Variants in AQP8 observed in about 807,000 individuals in gnomAD.
The protein encoded by AQP8 is aquaporin-8.
In AQP8, 14 loss-of-function variants were observed where a neutral mutation model predicts 26.1. The observed-to-expected ratio is 0.54, with a 90% CI of 0.35 to 0.84. AQP8 has a LOEUF of 0.84. Ranked by LOEUF, AQP8 falls within the 40% of genes least tolerant of loss-of-function variation. The probability of loss-of-function intolerance (pLI) is 0.01; values close to 1 mark genes in which losing one functional copy is unlikely to be tolerated. For synonymous variants in AQP8, 131 were observed against 150.7 expected, an observed-to-expected ratio of 0.87 and a Z score of 0.96; for missense variants, 301 against 340.5, an observed-to-expected ratio of 0.88 and a Z score of 0.91.
chr16:25,225,980 G>A (rs1206888982), intron 4 of AQP8, among the ~76,000 whole-genome samples: 1 of 152,160 alleles, frequency 6.6e-6, no homozygotes, highest in Non-Finnish European at 1.5e-5. Context: ...GACAACCTAT[G>A]GGATAGTCAC....
intron 2 of AQP8, among the ~76,000 whole-genome samples, chr16:25,220,054 A>C (rs1400881111): frequency 6.6e-6 from 1 of 151,362 alleles, no homozygotes; most frequent in African/African-American, 2.4e-5. Flanking sequence ...AACAAAAAAC[A>C]AAAAACAAAT....
chr16:25,218,932 C>T (rs763878075), intron 2 of AQP8, among the ~76,000 whole-genome samples: 1 of 151,356 alleles, frequency 6.6e-6, no homozygotes, highest in Non-Finnish European at 1.5e-5. Flanking sequence ...TCTCTTTAGA[C>T]GTCCAAGGGA....
rs1962609257 is a variant in AQP8, at chr16:25,224,696, T to C, written c.602+120T>C. On this transcript the variant is annotated intron_variant, in intron 4 of 5. Transcript: ENST00000219660. ...TTAGGGGCCAGGAAGGTGCTGCAAA[T>C]GGGGAGGGGGGCTGGCATCAGGCAG... 10 of 1,035,638 alleles carry C rather than the reference T, an allele frequency of 9.7e-6. No homozygotes were observed. The South Asian group carries it at 1.5e-4, about 16-fold the overall frequency. The allele number at this position is 1,035,638 out of a possible 1,614,324, so 64.2% of individuals were successfully genotyped here.
In AQP8 at chr16:25,217,264, C is replaced by T. The variant is rs748487930; in HGVS notation, c.79C>T (p.Arg27Ter). 7.4e-6 allele frequency: 12 copies of T among 1,614,066 alleles called. No homozygotes were observed. The highest frequency in any genetic ancestry group is 5.0e-5 in the Admixed American group (3 of 59,990). The part of the protein sequence containing the change: ...AREPSVGGRW[R>*]VSWYERFVQP... ...GGAGCCGAGCGTGGGTGGCAGGTGG[C>T]GAGTGTCCTGGTACGAACGGTTTGT... is the stretch of plus-strand genomic sequence containing the variant. Residue 27 changes from arginine to a stop codon, truncating the protein, a stop_gained, in exon 2 of 6, where the codon CGA (arginine) becomes TGA (stop). Transcript: ENST00000219660. LOFTEE classifies it high-confidence loss of function.
At position 25,217,230 on chromosome 16, in the gene AQP8, C is replaced by T. The variant is rs149183320; in HGVS notation, c.45C>T (p.Asp15=). The stretch of plus-strand genomic sequence containing the variant: ...TGTGTGAGCCTGAATTTGGCAATGA[C>T]AAGGCCAGGGAGCCGAGCGTGGGTG... The part of the protein sequence containing the change: ...IAMCEPEFGN[D]KAREPSVGGR... The change falls in exon 2 of 6, where the codon GAC becomes GAT. Residue 15 remains aspartate, a synonymous_variant. Coordinates refer to ENST00000219660, the MANE Select transcript of AQP8 (RefSeq NM_001169.3). 5.6e-6 allele frequency: 9 copies of T among 1,614,104 alleles called. No individual in the cohort carries two copies. In the African/African-American group the frequency reaches 1.1e-4, roughly 19 times the overall value.
intron 4 of AQP8, among the ~76,000 whole-genome samples, chr16:25,225,210 C>T (rs1393554762): frequency 6.6e-6 from 1 of 152,198 alleles, no homozygotes; most frequent in East Asian, 1.9e-4. Context: ...TCTTGAACTC[C>T]TGGCTTCAAG....
At chr16:25,228,367 T>C in intron 5 of AQP8, 77 bp from the exon 6 acceptor site, 1 of 1,437,446 alleles carries the variant, frequency 7.0e-7, no homozygotes, top group South Asian at 1.2e-5. Context: ...TTCTGGAGAC[T>C]TCTGAGCCTG....
chr16:25,217,894 T>G (rs1322540711), intron 2 of AQP8, among the ~76,000 whole-genome samples: 1 of 152,192 alleles, frequency 6.6e-6, no homozygotes, highest in East Asian at 1.9e-4. Flanking sequence ...TTAAATGTTT[T>G]TTTTTTCAAG....
intron 5 of AQP8, among the ~76,000 whole-genome samples, chr16:25,227,707 C>T (rs751571779): frequency 6.6e-6 from 1 of 151,940 alleles, no homozygotes; most frequent in Non-Finnish European, 1.5e-5. Context: ...AGGCTGGTCT[C>T]GAACTCCTGA....
chr16:25,217,427 C>T lies in AQP8; in HGVS notation c.242C>T (p.Ala81Val). Residue 81 changes from alanine to valine, a missense_variant, in exon 2 of 6, where the codon GCC becomes GTC. Coordinates refer to ENST00000219660, the MANE Select transcript of AQP8 (RefSeq NM_001169.3). ...GGGCTGGCTTTGGGGCTCGTGATTG[C>T]CACGCTGGGGAATATCAGGTGAGAC... ...AHGLALGLVI[A>V]TLGNISGGHF... 6.2e-7 allele frequency: 1 copy of T among 1,614,088 alleles called. No homozygotes were observed.
At chr16:25,226,159 C>T (rs557967029) in intron 4 of AQP8, among the ~76,000 whole-genome samples, 4 of 152,280 alleles carry the variant, frequency 2.6e-5, no homozygotes, top group Middle Eastern at 3.4e-3. Context: ...GCATGCAATG[C>T]ATAATTATCA....
chr16:25,220,458 A>T (rs1266638715), intron 2 of AQP8, among the ~76,000 whole-genome samples: 1 of 152,156 alleles, frequency 6.6e-6, no homozygotes, highest in Non-Finnish European at 1.5e-5. Flanking sequence ...CTGGTTGAAC[A>T]TCTTGGTGAA....
chr16:25,220,130 G>A (rs1249012165), intron 2 of AQP8, among the ~76,000 whole-genome samples: 3 of 152,132 alleles, frequency 2.0e-5, no homozygotes, highest in African/African-American at 7.2e-5. Flanking sequence ...ACAAGTTGGG[G>A]TAGCTGGTCT....
chr16:25,228,650 G>C lies in AQP8; in HGVS notation c.*158G>C, dbSNP rs1212221046. 1 of 676,858 alleles carries C rather than the reference G, an allele frequency of 1.5e-6. No homozygotes were observed. The highest frequency in any genetic ancestry group is 2.6e-5 in the Admixed American group (1 of 38,202). The allele number at this position is 676,858 out of a possible 1,614,324, so 41.9% of individuals were successfully genotyped here. A position where few individuals can be genotyped will look rare whatever the true frequency, so the allele number is the denominator to read the frequency against. On this transcript the variant is annotated 3_prime_UTR_variant, in exon 6 of 6. Transcript: ENST00000219660. The stretch of plus-strand genomic sequence containing the variant: ...GCCTGCTTTCTCAGATAGACTGACT[G>C]CTGAGGAGGCTCTAGGTTCTTGGAA...
intron 4 of AQP8, among the ~76,000 whole-genome samples, chr16:25,225,300 T>C (rs376459368): frequency 6.7e-6 from 1 of 149,904 alleles, no homozygotes; most frequent in African/African-American, 2.5e-5. Flanking sequence ...AGCCCCTCCC[T>C]AATGTCTGAC....
intron 2 of AQP8, among the ~76,000 whole-genome samples, chr16:25,219,108 A>C (rs929851423): frequency 6.6e-6 from 1 of 151,352 alleles, no homozygotes; most frequent in Non-Finnish European, 1.5e-5. Flanking sequence ...TTTGAATGCT[A>C]ACTACATAGA....
chr16:25,222,542 A>G (rs1010087539), intron 3 of AQP8, among the ~76,000 whole-genome samples: 1 of 151,998 alleles, frequency 6.6e-6, no homozygotes, highest in Admixed American at 6.6e-5. Context: ...GCATAAATCC[A>G]TGGATAGACT....
rs186263506 is a variant in AQP8 at position 25,220,727 on chromosome 16, G to A, written c.261-730G>A. Among the ~76,000 whole-genome samples, 943 of 152,278 alleles carry A rather than the reference G, an allele frequency of 6.2e-3. 8 individuals are homozygous for A. Among genetic ancestry groups the A allele is most frequent in the Non-Finnish European group, 9.9e-3 (674 of 68,028 alleles). Reference sequence around the variant, plus strand: ...CTGGCTGAGCAGTTCAACCAATCAGGAGGTCTTATTCAGGGCCTAGCTACT... The same window carrying A: ...CTGGCTGAGCAGTTCAACCAATCAGAAGGTCTTATTCAGGGCCTAGCTACT... On this transcript the variant is annotated intron_variant, in intron 2 of 5. Coordinates refer to ENST00000219660, the MANE Select transcript of AQP8 (RefSeq NM_001169.3).
At chr16:25,222,684 GT>G (rs755729687) in intron 3 of AQP8, among the ~76,000 whole-genome samples, 106 of 151,886 alleles carry the variant, frequency 7.0e-4, no homozygotes, top group Middle Eastern at 3.4e-3. Flanking sequence ...TGTGTGGGGG[GT>G]GGTGGATGGG....
Sources: allele counts gnomAD v4.1 joint callset (sites outside exome capture counted in the v4.1 genomes callset), GRCh38; gene constraint gnomAD v4.1.1; transcripts MANE v1.5; gene names NCBI Gene and HGNC (gene_info 2026-07-23, HGNC 2026-07-21).